IL31RA: variants seen among roughly 807,000 people sequenced by gnomAD.
IL31RA encodes interleukin-31 receptor subunit alpha.
IL31RA carries 66 observed loss-of-function variants against 83.7 expected under a neutral mutation model. That is an observed-to-expected ratio of 0.79 (90% confidence interval 0.65 to 0.97). IL31RA has a LOEUF of 0.97. Ranked by LOEUF, IL31RA falls within the 50% of genes least tolerant of loss-of-function variation. The pLI is 0.00. For synonymous variants in IL31RA, 325 were observed against 329.0 expected (o/e 0.99, Z 0.13); for missense variants, 798 against 919.4 (o/e 0.87, Z 1.71).
intron 10 of IL31RA, 57 bp from the exon 11 acceptor site, chr5:55,908,208 G>A (rs1749272461): frequency 1.2e-6 from 2 of 1,610,148 alleles, no homozygotes; most frequent in Non-Finnish European, 1.7e-6. Flanking sequence ...CTTTGTGGGG[G>A]AACGATCTCC....
rs1317185291 is a variant in IL31RA at position 55,896,985 on chromosome 5, T to TAA, written c.852+571_852+572dup. Among the ~76,000 whole-genome samples, 4 of 1,140 alleles carry TAA rather than the reference T, an allele frequency of 3.5e-3. 1 individual carries two copies. Among genetic ancestry groups the TAA allele is most frequent in the Non-Finnish European group, 4.3e-3 (2 of 470 alleles). The allele number at this position is 1,140 out of a possible 152,430, so 0.7% of individuals were successfully genotyped here. A position where few individuals can be genotyped will look rare whatever the true frequency, so the allele number is the denominator to read the frequency against. On this transcript the variant is annotated intron_variant, in intron 7 of 14. Coordinates refer to ENST00000652347, the MANE Select transcript of IL31RA (RefSeq NM_139017.7). ...AAGTGTGCCAGTACACCCAGCTAAT[T>TAA]AAAAAAAAAAAAAAAATATATATAT... is the stretch of plus-strand genomic sequence containing the variant.
rs966489416 is a variant in IL31RA, at chr5:55,922,117, C to A, written c.*4997C>A. Among the ~76,000 whole-genome samples, 5 of 148,022 alleles carry A rather than the reference C, an allele frequency of 3.4e-5. No individual in the cohort carries two copies. Among genetic ancestry groups the A allele is most frequent in the Admixed American group, 6.9e-5 (1 of 14,592 alleles). On this transcript the variant is annotated 3_prime_UTR_variant, in exon 15 of 15. Coordinates refer to ENST00000652347, the MANE Select transcript of IL31RA (RefSeq NM_139017.7). ...TAAGGATAACAGCAGTCCTCATTTC[C>A]TTTGGACACTGGGGTCAGTGGGGAG...
chr5:55,890,060 C>T lies in IL31RA; in HGVS notation c.697C>T (p.Leu233=). The change falls in exon 6 of 15, where the codon CTG becomes TTG. Residue 233 remains leucine (L), a synonymous_variant. Coordinates refer to ENST00000652347, the MANE Select transcript of IL31RA (RefSeq NM_139017.7). ...LQPFTEYVIA[L]RCAVKESKFW... ...GCCTTTTACAGAATATGTCATAGCTCTGCGATGTGCGGTCAAGGAGTCAAA... is the reference window on the plus strand; with the variant it reads ...GCCTTTTACAGAATATGTCATAGCTTTGCGATGTGCGGTCAAGGAGTCAAA... 6.2e-7 allele frequency: 1 copy of T among 1,613,976 alleles called. No homozygotes were observed. Among genetic ancestry groups the T allele is most frequent in the Non-Finnish European group, 8.5e-7 (1 of 1,179,890 alleles).
chr5:55,881,073 C>A (rs1057359408), intron 4 of IL31RA, among the ~76,000 whole-genome samples: 1 of 151,978 alleles, frequency 6.6e-6, no homozygotes, highest in African/African-American at 2.4e-5. Context: ...GAGCCTGAGG[C>A]GGGCGGATCA....
chr5:55,906,253 CT>C lies in IL31RA; in HGVS notation c.1218del (p.Val407CysfsTer14). On this transcript the variant is annotated frameshift_variant, in exon 9 of 15. Transcript: ENST00000652347. LOFTEE classifies it high-confidence loss of function. The part of the protein sequence containing the change: ...DSEPTTLSWE[S>X]VSQATNWTIQ... ...GAGCCCACCACCCTTTCCTGGGAAT[CT>C]GTGTCTCAGGCCACGAACTGGACGA... The C allele has an allele frequency of 8.1e-6, 13 of 1,614,180 alleles. No individual in the cohort carries two copies. Among genetic ancestry groups the C allele is most frequent in the Non-Finnish European group, 1.1e-5 (13 of 1,180,024 alleles).
intron 4 of IL31RA, among the ~76,000 whole-genome samples, chr5:55,874,015 C>T (rs916397093): frequency 6.6e-6 from 1 of 152,000 alleles, no homozygotes; most frequent in African/African-American, 2.4e-5. Flanking sequence ...GTTTTGAAGT[C>T]TTAGTTCCTA....
chr5:55,871,223 C>T (rs1746485545), intron 3 of IL31RA, among the ~76,000 whole-genome samples: 1 of 151,504 alleles, frequency 6.6e-6, no homozygotes. Flanking sequence ...TGCTTATAAC[C>T]ACGACACATT....
chr5:55,841,755 T>C, the IL31RA span, among the ~76,000 whole-genome samples: 1 of 152,186 alleles, frequency 6.6e-6, no homozygotes, highest in Non-Finnish European at 1.5e-5. Flanking sequence ...CCTGGGATCC[T>C]ATCTCGATGA....
At chr5:55,864,551 A>G (rs1745908828) in intron 2 of IL31RA, among the ~76,000 whole-genome samples, 1 of 150,978 alleles carries the variant, frequency 6.6e-6, no homozygotes, top group Non-Finnish European at 1.5e-5. Context: ...CACACTACAC[A>G]CACCACACAT....
chr5:55,845,306 C>T, the IL31RA span, among the ~76,000 whole-genome samples: 1 of 152,130 alleles, frequency 6.6e-6, no homozygotes, highest in Non-Finnish European at 1.5e-5. Context: ...TTTTAGTGAG[C>T]CTGTGCCTCT....
At chr5:55,913,637 G>C (rs1396101510) in intron 13 of IL31RA, 67 bp downstream of exon 13, 1 of 964,596 alleles carries the variant, frequency 1.0e-6, no homozygotes, top group Non-Finnish European at 1.7e-6. Context: ...GTCATCATAG[G>C]TGCTTCGTAG....
At chr5:55,853,179 C>A (rs1561533263) in intron 1 of IL31RA, 2 of 276,420 alleles carry the variant, frequency 7.2e-6, no homozygotes. Context: ...GATACTCTCA[C>A]TGTTTCAGCT....
chr5:55,896,985 T>TA (rs1317185291), intron 7 of IL31RA, among the ~76,000 whole-genome samples: 7 of 1,140 alleles, frequency 6.1e-3, no homozygotes, highest in South Asian at 0.036. Flanking sequence ...CCCAGCTAAT[T>TA]AAAAAAAAAA....
intron 1 of IL31RA, among the ~76,000 whole-genome samples, chr5:55,853,052 G>A (rs1041469796): frequency 6.6e-6 from 1 of 152,156 alleles, no homozygotes; most frequent in Non-Finnish European, 1.5e-5. Flanking sequence ...TCCTTTAGAC[G>A]TAAATAAGAA....
chr5:55,847,242 T>TAA (rs57359897), upstream of IL31RA, among the ~76,000 whole-genome samples: 3 of 115,096 alleles, frequency 2.6e-5, no homozygotes, highest in African/African-American at 1.1e-4. Context: ...AAAAAAAAAA[T>TAA]AAAAATAAAT....
chr5:55,909,767 C>T (rs161651), intron 11 of IL31RA, among the ~76,000 whole-genome samples: 45,642 of 150,636 alleles, frequency 0.3, 7,093 homozygotes, highest in African/African-American at 0.34. Flanking sequence ...TGCAATGGCA[C>T]GATCTTGGCT....
the IL31RA span, among the ~76,000 whole-genome samples, chr5:55,842,503 C>T: frequency 0.059 from 8,977 of 152,282 alleles, 370 homozygotes; most frequent in African/African-American, 0.12. Context: ...ATACTTGTCA[C>T]TTTATCATTT....
At position 55,910,513 on chromosome 5, in the gene IL31RA, C is replaced by T. The variant is rs775720488; in HGVS notation, c.1502-19C>T. ...GTCTGGTTTGGCTGTGGTGTTTGACCTTTGTATTTTTCCTTTAGCCAAGAC... is the reference window on the plus strand; with the variant it reads ...GTCTGGTTTGGCTGTGGTGTTTGACTTTTGTATTTTTCCTTTAGCCAAGAC... On this transcript the variant is annotated intron_variant, in intron 11 of 14. Coordinates refer to ENST00000652347, the MANE Select transcript of IL31RA (RefSeq NM_139017.7). 1.2e-6 allele frequency: 2 copies of T among 1,613,910 alleles called. No homozygotes were observed. Among genetic ancestry groups the T allele is most frequent in the South Asian group, 2.2e-5 (2 of 91,046 alleles).
rs1748977649 is a variant in IL31RA at position 55,903,956 on chromosome 5, C to T, written c.1070-2150C>T. On this transcript the variant is annotated intron_variant, in intron 8 of 14. Coordinates refer to ENST00000652347, the MANE Select transcript of IL31RA (RefSeq NM_139017.7). This position sits in a 1 kb window ranked among gnomAD's most constrained non-coding sequence, Gnocchi z 4.7. Reference sequence around the variant, plus strand: ...TCTAGGGGAGAATCCTTCCTTACCCCTTCCAGCTTGTAGTGGCCCCAGGTA... The same window carrying T: ...TCTAGGGGAGAATCCTTCCTTACCCTTTCCAGCTTGTAGTGGCCCCAGGTA... Among the ~76,000 whole-genome samples, 1 of 152,206 alleles carries T rather than the reference C, an allele frequency of 6.6e-6. No homozygotes were observed. The highest frequency in any genetic ancestry group is 1.5e-5 in the Non-Finnish European group (1 of 68,032).
Sources: allele counts gnomAD v4.1 joint callset (sites outside exome capture counted in the v4.1 genomes callset), GRCh38; gene constraint gnomAD v4.1.1; non-coding constraint Gnocchi (gnomAD v3.1); transcripts MANE v1.5; gene names NCBI Gene and HGNC (gene_info 2026-07-23, HGNC 2026-07-21).